NRXN1: variants seen among roughly 807,000 people sequenced by gnomAD.
The protein encoded by NRXN1 is neurexin-1.
A neutral mutation model predicts 150.9 loss-of-function variants in NRXN1; 39 were observed. The observed-to-expected ratio is 0.26, with a 90% confidence interval of 0.20 to 0.34. The LOEUF is 0.34. NRXN1 is among the 10% of genes least tolerant of loss of function. The probability of loss-of-function intolerance (pLI) is 1.00; values close to 1 mark genes in which losing one functional copy is unlikely to be tolerated. For synonymous variants in NRXN1, 924 were observed against 757.0 expected (o/e 1.22, Z -3.62); for missense variants, 1,815 against 1,949.9 (o/e 0.93, Z 1.30).
At chr2:50,501,824 C>G (rs1484181612) in intron 13 of NRXN1, among the ~76,000 whole-genome samples, 1 of 152,134 alleles carries the variant, frequency 6.6e-6, no homozygotes, top group African/African-American at 2.4e-5. Flanking sequence ...AGGTGAGGTG[C>G]AAACATTCCC....
At chr2:50,734,639 A>G (rs1162294252) in intron 5 of NRXN1, among the ~76,000 whole-genome samples, 1 of 152,104 alleles carries the variant, frequency 6.6e-6, no homozygotes, top group Non-Finnish European at 1.5e-5. Flanking sequence ...GGTAGTCTAT[A>G]TAAAACAAAT....
chr2:50,138,588 C>A (rs1270653009), intron 18 of NRXN1, among the ~76,000 whole-genome samples: 1 of 152,204 alleles, frequency 6.6e-6, no homozygotes, highest in African/African-American at 2.4e-5. Context: ...CTCACTGCCC[C>A]GTTAGCTATC....
chr2:50,388,635 C>T (rs2081480743), intron 17 of NRXN1, among the ~76,000 whole-genome samples: 2 of 152,078 alleles, frequency 1.3e-5, no homozygotes, highest in South Asian at 4.1e-4. Context: ...AGTATCGTTG[C>T]TTTGGAATTA....
intron 17 of NRXN1, among the ~76,000 whole-genome samples, chr2:50,291,868 C>T (rs1032275150): frequency 1.3e-5 from 2 of 152,174 alleles, no homozygotes; most frequent in African/African-American, 2.4e-5. Context: ...CTTGAGTAAG[C>T]ATTTTCACAG....
intron 15 of NRXN1, among the ~76,000 whole-genome samples, chr2:50,492,295 G>A (rs1252808489): frequency 1.3e-5 from 2 of 152,178 alleles, no homozygotes; most frequent in Non-Finnish European, 2.9e-5. Context: ...AACTGTATCA[G>A]CAGGAAGAGA....
At chr2:50,599,253 G>T (rs1273666948) in intron 8 of NRXN1, among the ~76,000 whole-genome samples, 1 of 152,148 alleles carries the variant, frequency 6.6e-6, no homozygotes, top group Admixed American at 6.5e-5. Context: ...CAGAGTTCAT[G>T]TAAGAAATAT....
At chr2:50,365,047 A>G (rs1238878646) in intron 17 of NRXN1, among the ~76,000 whole-genome samples, 1 of 152,088 alleles carries the variant, frequency 6.6e-6, no homozygotes, top group African/African-American at 2.4e-5. Context: ...GCAAAAATTA[A>G]ACTGCTACAC....
chr2:50,656,675 A>ACTTCACAG (rs1338851441), intron 5 of NRXN1, among the ~76,000 whole-genome samples: 2 of 151,764 alleles, frequency 1.3e-5, no homozygotes, highest in Non-Finnish European at 2.9e-5. Flanking sequence ...TGGACTAGCT[A>ACTTCACAG]CTTCACAGCC....
intron 8 of NRXN1, among the ~76,000 whole-genome samples, chr2:50,618,646 C>T (rs1360748242): frequency 6.6e-6 from 1 of 151,906 alleles, no homozygotes; most frequent in Non-Finnish European, 1.5e-5. Flanking sequence ...TTACCTGCCT[C>T]AAACCTCAGT....
At chr2:50,621,985 C>T (rs900239095) in intron 6 of NRXN1, among the ~76,000 whole-genome samples, 6 of 152,220 alleles carry the variant, frequency 3.9e-5, no homozygotes, top group African/African-American at 1.4e-4. Context: ...ACTCCTTGAG[C>T]CCCCACCCTT....
At chr2:50,810,348 G>C (rs1367479892) in intron 5 of NRXN1, among the ~76,000 whole-genome samples, 2 of 152,166 alleles carry the variant, frequency 1.3e-5, no homozygotes, top group Non-Finnish European at 2.9e-5. Flanking sequence ...GAGAGGAATA[G>C]AGAGAAGTTT....
intron 5 of NRXN1, among the ~76,000 whole-genome samples, chr2:50,873,957 C>A (rs568194834): frequency 2.0e-5 from 3 of 151,836 alleles, no homozygotes; most frequent in Non-Finnish European, 2.9e-5. Context: ...TGGTTTGTGA[C>A]CCAAATGTTT....
At chr2:50,036,683 G>A (rs1407654741) in intron 21 of NRXN1, among the ~76,000 whole-genome samples, 1 of 152,144 alleles carries the variant, frequency 6.6e-6, no homozygotes, top group Non-Finnish European at 1.5e-5. Flanking sequence ...TTGAATTTGG[G>A]CTGACCATGT....
intron 8 of NRXN1, among the ~76,000 whole-genome samples, chr2:50,585,486 T>C (rs995608261): frequency 8.5e-5 from 13 of 152,162 alleles, no homozygotes; most frequent in Admixed American, 7.2e-4. Context: ...ATGAATTATA[T>C]ACTAAAAAAT....
At chr2:50,735,151 T>C (rs1368811708) in intron 5 of NRXN1, among the ~76,000 whole-genome samples, 6 of 152,164 alleles carry the variant, frequency 3.9e-5, no homozygotes, top group Non-Finnish European at 7.4e-5. Flanking sequence ...CTTTCGTTTA[T>C]TGCCAATCTT....
At chr2:50,829,611 T>A in intron 5 of NRXN1, 1 of 1,611,972 alleles carries the variant, frequency 6.2e-7, no homozygotes, top group Non-Finnish European at 8.5e-7. Context: ...CCTTGAATAT[T>A]TCACTTTACT....
At chr2:50,176,040 C>T (rs1024312676) in intron 18 of NRXN1, among the ~76,000 whole-genome samples, 3 of 152,118 alleles carry the variant, frequency 2.0e-5, no homozygotes, top group Non-Finnish European at 1.5e-5. Context: ...GTGCTTAGAA[C>T]TGAGTCCCTC....
chr2:50,384,664 T>C (rs192554180), intron 17 of NRXN1, among the ~76,000 whole-genome samples: 281 of 152,314 alleles, frequency 1.8e-3, no homozygotes, highest in Non-Finnish European at 3.3e-3. Flanking sequence ...ATCTTCAGAC[T>C]TGGAAACTCC....
intron 9 of NRXN1, among the ~76,000 whole-genome samples, chr2:50,545,951 T>C (rs1558914509): frequency 1.3e-5 from 2 of 152,160 alleles, no homozygotes; most frequent in Non-Finnish European, 2.9e-5. Context: ...ACTGCATTGT[T>C]TAAGAAACAA....
Sources: gnomAD v4.1 joint callset for allele counts (sites outside exome capture counted in the v4.1 genomes callset) on GRCh38, gnomAD v4.1.1 for gene constraint, MANE v1.5 for transcripts, NCBI Gene and HGNC (gene_info 2026-07-23, HGNC 2026-07-21) for gene names.